PLEKHS1: variants seen among roughly 807,000 people sequenced by gnomAD.
PLEKHS1 encodes pleckstrin homology domain containing S1, also known as pleckstrin homology domain-containing family S member 1.
A neutral mutation model predicts 51.0 loss-of-function variants in PLEKHS1; 55 were observed. The observed-to-expected ratio is 1.08, with a 90% CI of 0.87 to 1.35. PLEKHS1 has a LOEUF of 1.35. Ranked by LOEUF, PLEKHS1 falls within the 40% of genes most tolerant of loss-of-function variation. The pLI is 0.00. For missense variants in PLEKHS1, 398 were observed against 423.0 expected (o/e 0.94, Z 0.52); for synonymous variants, 153 against 144.8 (o/e 1.06, Z -0.41).
At chr10:113,762,365 C>CTTTTTTTTTTTTTTTTTTTTCT (rs1843972444) in intron 2 of PLEKHS1, among the ~76,000 whole-genome samples, 9 of 61,772 alleles carry the variant, frequency 1.5e-4, no homozygotes, top group African/African-American at 1.8e-4. Flanking sequence ...AGATTTGTTC[C>CTTTTTTTTTTTTTTTTTTTTCT]TTTTTTTTTT....
chr10:113,777,168 GC>G (rs2134581350), intron 11 of PLEKHS1: 1 of 1,612,798 alleles, frequency 6.2e-7, no homozygotes, highest in African/African-American at 1.3e-5. Flanking sequence ...TGCATATTTT[GC>G]CACGGAGATC....
chr10:113,755,125 G>A, intron 1 of PLEKHS1, 134 bp from the exon 2 acceptor site: 5 of 892,046 alleles, frequency 5.6e-6, no homozygotes, highest in Non-Finnish European at 8.1e-6. Flanking sequence ...AAGAAAGGAT[G>A]GGAATGGGAG....
At chr10:113,783,015 C>G (rs1412404750), downstream of PLEKHS1, 1 of 152,130 alleles carries the variant, frequency 6.6e-6, no homozygotes, top group Non-Finnish European at 1.5e-5. Flanking sequence ...ACAGGTGGAT[C>G]ACCTGAGGTC....
chr10:113,780,214 G>A (rs766991847), intron 11 of PLEKHS1, among the ~76,000 whole-genome samples: 2 of 152,174 alleles, frequency 1.3e-5, no homozygotes, highest in African/African-American at 4.8e-5. Flanking sequence ...GACATGACAG[G>A]TTGCAGGAGA....
At chr10:113,762,570 T>A (rs929810487) in intron 2 of PLEKHS1, among the ~76,000 whole-genome samples, 13 of 152,008 alleles carry the variant, frequency 8.6e-5, no homozygotes, top group Non-Finnish European at 1.2e-4. Flanking sequence ...AAAAACTTTC[T>A]AATTTATTTT....
intron 8 of PLEKHS1, among the ~76,000 whole-genome samples, chr10:113,773,119 G>A (rs764673053): frequency 2.0e-5 from 3 of 152,224 alleles, no homozygotes; most frequent in South Asian, 2.1e-4. Flanking sequence ...AATAAGTTCC[G>A]GAAACACCCA....
exon 12 of PLEKHS1, chr10:113,781,022 C>A: frequency 1.9e-6 from 1 of 521,564 alleles, no homozygotes; most frequent in Non-Finnish European, 3.4e-6. Context: ...GCTATTGTCC[C>A]AAACACCACA....
intron 1 of PLEKHS1, among the ~76,000 whole-genome samples, chr10:113,753,887 T>G (rs1015740246): frequency 2.0e-5 from 3 of 151,974 alleles, no homozygotes; most frequent in African/African-American, 7.3e-5. Flanking sequence ...CTCGGCTCAC[T>G]ACCTCTGCCT....
rs879636832 is a variant in PLEKHS1 at position 113,777,400 on chromosome 10, G to A, written c.1091+1534G>A. On this transcript the variant is annotated intron_variant, in intron 11 of 11. Transcript: ENST00000361048. Reference sequence around the variant, plus strand: ...CACCATCAAGTGCAAATAACAGAATGTGCTTTCAGGACTCTTTCAGGATTC... The same window carrying A: ...CACCATCAAGTGCAAATAACAGAATATGCTTTCAGGACTCTTTCAGGATTC... 9.3e-6 allele frequency: 15 copies of A among 1,610,212 alleles called. No individual in the cohort carries two copies. In the African/African-American group the frequency reaches 1.2e-4, roughly 13 times the overall value.
chr10:113,766,009 C>T (rs1235092572), intron 2 of PLEKHS1, among the ~76,000 whole-genome samples: 4 of 152,224 alleles, frequency 2.6e-5, no homozygotes, highest in Admixed American at 1.3e-4. Context: ...ACCTGTCCCC[C>T]TTCCCCAGAT....
chr10:113,754,763 C>A (rs532990626), intron 1 of PLEKHS1, among the ~76,000 whole-genome samples: 44 of 152,332 alleles, frequency 2.9e-4, no homozygotes, highest in African/African-American at 1.0e-3. Flanking sequence ...GGATTACAGG[C>A]ATGAGCCACC....
chr10:113,768,602 C>A (rs567080045), intron 5 of PLEKHS1, among the ~76,000 whole-genome samples: 1 of 152,314 alleles, frequency 6.6e-6, no homozygotes, highest in South Asian at 2.1e-4. Context: ...ACTTTTCTTC[C>A]CTTTCTCTGA....
At position 113,756,426 on chromosome 10, in the gene PLEKHS1, A is replaced by C. The variant is rs531160281; in HGVS notation, c.28+1121A>C. On this transcript the variant is annotated intron_variant, in intron 2 of 11. Transcript: ENST00000361048. ...CAGAGAGCCAAGATCGCACCACTGC[A>C]CTCCAGACTGGGTAACAGAGCGAGA... 2.0e-5 allele frequency among the ~76,000 whole-genome samples: 3 copies of C among 152,288 alleles called. No homozygotes were observed. The South Asian group carries it at 6.2e-4, about 32-fold the overall frequency.
chr10:113,753,786 AAC>A (rs5788043), intron 1 of PLEKHS1, among the ~76,000 whole-genome samples: 14,958 of 152,030 alleles, frequency 0.098, 813 homozygotes, highest in South Asian at 0.15. Context: ...TTCATCTCTG[AAC>A]ACATATATAT....
intron 11 of PLEKHS1, 174 bp downstream of exon 12, chr10:113,777,433 TC>T: frequency 6.2e-6 from 10 of 1,607,532 alleles, no homozygotes; most frequent in Non-Finnish European, 8.5e-6. Flanking sequence ...TTCTTTCATA[TC>T]AAGTAGCATT....
At chr10:113,765,296 G>A in intron 2 of PLEKHS1, 1 of 773,776 alleles carries the variant, frequency 1.3e-6, no homozygotes, top group Non-Finnish European at 2.4e-6. Flanking sequence ...CTAGTAATTA[G>A]TGTAGAGCTA....
chr10:113,780,351 T>C (rs562384565), intron 11 of PLEKHS1, among the ~76,000 whole-genome samples: 2 of 152,276 alleles, frequency 1.3e-5, no homozygotes, highest in East Asian at 3.9e-4. Context: ...TAGAGCACCA[T>C]CAATGCTACC....
intron 11 of PLEKHS1, chr10:113,777,727 C>A: frequency 1.3e-6 from 2 of 1,491,888 alleles, no homozygotes; most frequent in Non-Finnish European, 8.9e-7. Flanking sequence ...TCTACTACAA[C>A]TGACCATGGA....
At chr10:113,768,046 A>G (rs1844240934) in intron 5 of PLEKHS1, among the ~76,000 whole-genome samples, 1 of 152,198 alleles carries the variant, frequency 6.6e-6, no homozygotes, top group African/African-American at 2.4e-5. Context: ...GAACTGAAAC[A>G]TACAAATTCA....
Sources: gnomAD v4.1 joint callset for allele counts (sites outside exome capture counted in the v4.1 genomes callset) on GRCh38, gnomAD v4.1.1 for gene constraint, MANE v1.5 for transcripts, NCBI Gene and HGNC (gene_info 2026-07-23, HGNC 2026-07-21) for gene names.